Variants in AGMO observed in about 807,000 individuals in gnomAD.
AGMO encodes glyceryl-ether monooxygenase.
In AGMO, 75 loss-of-function variants were observed where a neutral mutation model predicts 60.2. That is an observed-to-expected ratio of 1.25 (90% confidence interval 1.03 to 1.51). The LOEUF (loss-of-function observed/expected upper bound fraction) is 1.51. Ranked by LOEUF, AGMO falls within the 40% of genes most tolerant of loss-of-function variation. AGMO has a pLI of 0.00. For synonymous variants in AGMO, 261 were observed against 177.1 expected (o/e 1.47, Z -3.76); for missense variants, 763 against 525.5 (o/e 1.45, Z -4.42).
intron 12 of AGMO, among the ~76,000 whole-genome samples, chr7:15,293,241 C>T (rs1784323468): frequency 6.6e-6 from 1 of 152,140 alleles, no homozygotes; most frequent in South Asian, 2.1e-4. Flanking sequence ...CCCTGTCCTT[C>T]ATTAGTAAAC....
chr7:15,368,270 A>C (rs2128563017), intron 10 of AGMO, among the ~76,000 whole-genome samples: 1 of 144,616 alleles, frequency 6.9e-6, no homozygotes, highest in East Asian at 2.0e-4. Context: ...CCACTTAGGA[A>C]GAATGAGACC....
At chr7:15,360,385 T>C (rs762209687) in intron 12 of AGMO, among the ~76,000 whole-genome samples, 1 of 152,204 alleles carries the variant, frequency 6.6e-6, no homozygotes, top group Non-Finnish European at 1.5e-5. Context: ...AATGTAGCTA[T>C]TAATCACCTA....
intron 4 of AGMO, among the ~76,000 whole-genome samples, chr7:15,429,369 G>C (rs915542771): frequency 5.3e-5 from 8 of 151,974 alleles, no homozygotes; most frequent in Non-Finnish European, 7.4e-5. Context: ...TCCTAAAAAG[G>C]ACATGTGGAC....
intron 12 of AGMO, among the ~76,000 whole-genome samples, chr7:15,344,723 C>T (rs140669371): frequency 3.3e-5 from 5 of 152,136 alleles, no homozygotes; most frequent in African/African-American, 7.2e-5. Flanking sequence ...CCCAAAAACA[C>T]GTGGATGCAG....
intron 12 of AGMO, among the ~76,000 whole-genome samples, chr7:15,341,329 G>C (rs1399058034): frequency 6.6e-6 from 1 of 152,094 alleles, no homozygotes; most frequent in Non-Finnish European, 1.5e-5. Context: ...TCATTTCTCT[G>C]AAGTTCAAAT....
At chr7:15,182,037 G>T in the AGMO span, among the ~76,000 whole-genome samples, 2 of 152,156 alleles carry the variant, frequency 1.3e-5, no homozygotes, top group African/African-American at 2.4e-5. Flanking sequence ...ACTTGAAAAC[G>T]AAGGGAATTC....
the AGMO span, among the ~76,000 whole-genome samples, chr7:15,189,898 A>G: frequency 6.6e-6 from 1 of 151,218 alleles, no homozygotes; most frequent in Non-Finnish European, 1.5e-5. Flanking sequence ...TTTACCATTT[A>G]TATTTCATAA....
intron 3 of AGMO, among the ~76,000 whole-genome samples, chr7:15,531,930 G>A (rs767264997): frequency 1.6e-4 from 24 of 151,888 alleles, no homozygotes; most frequent in Middle Eastern, 3.4e-3. Flanking sequence ...TGGCCTCCCA[G>A]AATTCTGGAA....
Position 15,493,844 on chromosome 7 carries a change from C to T in AGMO, c.409+50928G>A, listed in dbSNP as rs1240833899. Among the ~76,000 whole-genome samples, 3 of 152,096 alleles carry T rather than the reference C, an allele frequency of 2.0e-5. No individual in the cohort carries two copies. The East Asian group carries it at 5.8e-4, about 29-fold the overall frequency. On this transcript the variant is annotated intron_variant, in intron 3 of 12. Coordinates refer to ENST00000342526, the MANE Select transcript of AGMO (RefSeq NM_001004320.2). ...GACAGACCTTCATGTGTAATGTATGCTTCTCTTTTTTTGTTAATTTGTGGG... is the reference window on the plus strand; with the variant it reads ...GACAGACCTTCATGTGTAATGTATGTTTCTCTTTTTTTGTTAATTTGTGGG...
At chr7:15,128,905 A>C in the AGMO span, among the ~76,000 whole-genome samples, 11 of 152,230 alleles carry the variant, frequency 7.2e-5, no homozygotes, top group East Asian at 2.1e-3. Flanking sequence ...GAGTCAGCCA[A>C]TGTCGCTCAC....
intron 12 of AGMO, among the ~76,000 whole-genome samples, chr7:15,212,213 T>C (rs980872344): frequency 6.6e-6 from 1 of 151,180 alleles, no homozygotes; most frequent in Non-Finnish European, 1.5e-5. Context: ...CATTATTCTA[T>C]CCATTCACTA....
chr7:15,368,312 C>T (rs983972950), intron 10 of AGMO, among the ~76,000 whole-genome samples: 8 of 151,004 alleles, frequency 5.3e-5, no homozygotes, highest in Non-Finnish European at 1.0e-4. Context: ...AAATATTTTC[C>T]TGGTGGTAGA....
intron 3 of AGMO, among the ~76,000 whole-genome samples, chr7:15,470,577 G>A (rs1782426495): frequency 6.6e-6 from 1 of 151,882 alleles, no homozygotes; most frequent in East Asian, 1.9e-4. Context: ...GGAAAATCCA[G>A]TATTGACTTA....
At chr7:15,541,543 T>G (rs1340425757) in intron 3 of AGMO, among the ~76,000 whole-genome samples, 3 of 152,224 alleles carry the variant, frequency 2.0e-5, no homozygotes, top group Non-Finnish European at 4.4e-5. Context: ...ACTATTGTAT[T>G]GCCTTTGCTT....
intron 3 of AGMO, among the ~76,000 whole-genome samples, chr7:15,456,721 G>A (rs572855409): frequency 6.6e-6 from 1 of 152,182 alleles, no homozygotes; most frequent in Admixed American, 6.5e-5. Context: ...ATGCACATGT[G>A]GTTTCTAATT....
intron 3 of AGMO, among the ~76,000 whole-genome samples, chr7:15,432,461 T>C (rs571996987): frequency 7.9e-4 from 119 of 150,620 alleles, no homozygotes; most frequent in African/African-American, 2.5e-3. Context: ...CCAAACAAAA[T>C]TGTTAAAGAA....
At chr7:15,157,507 C>T in the AGMO span, among the ~76,000 whole-genome samples, 3 of 152,168 alleles carry the variant, frequency 2.0e-5, no homozygotes, top group South Asian at 6.2e-4. Flanking sequence ...TCTTACTCAG[C>T]GTCCCACTCT....
intron 3 of AGMO, among the ~76,000 whole-genome samples, chr7:15,434,840 T>C (rs1325504610): frequency 6.6e-6 from 1 of 152,036 alleles, no homozygotes; most frequent in Admixed American, 6.6e-5. Context: ...ATTAATGCAG[T>C]CGTCAAAAAT....
chr7:15,430,645 A>G (rs544258926), intron 4 of AGMO, among the ~76,000 whole-genome samples: 2 of 37,956 alleles, frequency 5.3e-5, no homozygotes, highest in African/African-American at 1.8e-4. Context: ...AAAAAAAAAA[A>G]ACTGGTAAAA....
Sources: gnomAD v4.1 joint callset for allele counts (sites outside exome capture counted in the v4.1 genomes callset) on GRCh38, gnomAD v4.1.1 for gene constraint, MANE v1.5 for transcripts, NCBI Gene and HGNC (gene_info 2026-07-23, HGNC 2026-07-21) for gene names.